Variants in SOX5 observed in about 807,000 individuals in gnomAD.
SOX5 encodes the protein SRY-box transcription factor 5.
In SOX5, 9 loss-of-function variants were observed where a neutral mutation model predicts 92.0. The ratio of observed to expected loss-of-function variants is 0.10; its 90% CI spans 0.06 to 0.17. The LOEUF (loss-of-function observed/expected upper bound fraction) is 0.17. Ranked by LOEUF, SOX5 falls within the 10% of genes least tolerant of loss-of-function variation. The probability of loss-of-function intolerance (pLI) is 1.00; values close to 1 mark genes in which losing one functional copy is unlikely to be tolerated. For missense variants in SOX5, 642 were observed against 944.5 expected (o/e 0.68, Z 4.20); for synonymous variants, 344 against 336.3 (o/e 1.02, Z -0.25).
At chr12:24,112,489 G>A (rs1231240472) in intron 4 of SOX5, among the ~76,000 whole-genome samples, 2 of 146,302 alleles carry the variant, frequency 1.4e-5, no homozygotes, top group Non-Finnish European at 3.0e-5. Flanking sequence ...GATGGAATGT[G>A]ACTGCAGGGA....
chr12:23,877,670 T>C (rs1342764130), intron 2 of SOX5, among the ~76,000 whole-genome samples: 4 of 152,138 alleles, frequency 2.6e-5, no homozygotes, highest in Non-Finnish European at 5.9e-5. Flanking sequence ...CAATATTCCA[T>C]ATGGAGTGTG....
chr12:23,894,830 G>T (rs2097161870), intron 2 of SOX5, among the ~76,000 whole-genome samples: 1 of 152,134 alleles, frequency 6.6e-6, no homozygotes, highest in African/African-American at 2.4e-5. Flanking sequence ...GCAGTAGAAT[G>T]TAAGATAAAA....
At chr12:24,005,481 C>G (rs978585937) in intron 4 of SOX5, among the ~76,000 whole-genome samples, 1 of 152,158 alleles carries the variant, frequency 6.6e-6, no homozygotes, top group African/African-American at 2.4e-5. Flanking sequence ...GCCTTTGCAT[C>G]TACAATTCTC....
intron 1 of SOX5, among the ~76,000 whole-genome samples, chr12:24,525,335 A>T (rs1950605053): frequency 6.6e-6 from 1 of 152,194 alleles, no homozygotes; most frequent in Non-Finnish European, 1.5e-5. Flanking sequence ...AAAATAGTCA[A>T]ATTCCTAGAA....
intron 4 of SOX5, among the ~76,000 whole-genome samples, chr12:24,123,571 A>G (rs866059686): frequency 6.6e-6 from 1 of 152,216 alleles, no homozygotes. Flanking sequence ...GAATAATTGG[A>G]TAATTTATCT....
intron 4 of SOX5, among the ~76,000 whole-genome samples, chr12:23,975,547 C>T (rs10842254): frequency 0.26 from 39,531 of 151,894 alleles, 5,630 homozygotes; most frequent in African/African-American, 0.38. Flanking sequence ...AGCTCTGGAA[C>T]GCTCTATGTT....
At chr12:23,808,074 A>G (rs1440281433) in intron 3 of SOX5, among the ~76,000 whole-genome samples, 1 of 151,874 alleles carries the variant, frequency 6.6e-6, no homozygotes, top group Non-Finnish European at 1.5e-5. Context: ...TGCAGAATAT[A>G]TGTTTGAGCA....
chr12:23,595,981 T>C (rs12816497), intron 9 of SOX5, among the ~76,000 whole-genome samples: 1 of 152,178 alleles, frequency 6.6e-6, no homozygotes, highest in African/African-American at 2.4e-5. Context: ...CATTAACTGG[T>C]GGACTCCTTG....
intron 1 of SOX5, among the ~76,000 whole-genome samples, chr12:24,463,350 G>A (rs1274634851): frequency 3.9e-5 from 6 of 152,118 alleles, no homozygotes; most frequent in Middle Eastern, 6.8e-3. Context: ...TACTCTCTAC[G>A]TACAGCTAAG....
At chr12:24,320,740 C>T (rs184913677) in intron 2 of SOX5, among the ~76,000 whole-genome samples, 180 of 151,960 alleles carry the variant, frequency 1.2e-3, no homozygotes, top group African/African-American at 4.1e-3. Context: ...TGGTGGGCAC[C>T]TGTAGTCCCA....
At chr12:23,863,923 A>G (rs952724858) in intron 2 of SOX5, among the ~76,000 whole-genome samples, 3 of 152,032 alleles carry the variant, frequency 2.0e-5, no homozygotes, top group African/African-American at 7.2e-5. Context: ...TAGAAGGAAT[A>G]AAAATACAGG....
chr12:24,091,746 C>G (rs375324377), intron 4 of SOX5, among the ~76,000 whole-genome samples: 1 of 152,140 alleles, frequency 6.6e-6, no homozygotes. Context: ...TAAGAGACAC[C>G]AATCATTAAG....
At chr12:24,178,916 C>T (rs1955144635) in intron 4 of SOX5, among the ~76,000 whole-genome samples, 1 of 152,058 alleles carries the variant, frequency 6.6e-6, no homozygotes, top group Admixed American at 6.6e-5. Flanking sequence ...TGACAAGTTC[C>T]AGATAGATAG....
intron 1 of SOX5, among the ~76,000 whole-genome samples, chr12:24,522,658 T>C (rs1436688429): frequency 2.0e-5 from 3 of 152,040 alleles, no homozygotes; most frequent in Admixed American, 6.6e-5. Context: ...CATTGCAGAA[T>C]GAATAAAAAT....
chr12:24,010,089 A>T (rs976085584), intron 4 of SOX5, among the ~76,000 whole-genome samples: 1 of 152,214 alleles, frequency 6.6e-6, no homozygotes, highest in Non-Finnish European at 1.5e-5. Context: ...AACAATTTTC[A>T]TGTGTTTCTT....
intron 1 of SOX5, among the ~76,000 whole-genome samples, chr12:24,423,565 A>C (rs1966258899): frequency 6.6e-6 from 1 of 152,244 alleles, no homozygotes; most frequent in South Asian, 2.1e-4. Flanking sequence ...ATAACAAAGT[A>C]TGTAGAAATC....
At chr12:23,812,367 G>T (rs907148902) in intron 3 of SOX5, among the ~76,000 whole-genome samples, 10 of 152,012 alleles carry the variant, frequency 6.6e-5, no homozygotes, top group African/African-American at 9.7e-5. Context: ...GTAAAAGTGT[G>T]ATGACACATT....
At chr12:24,030,882 G>A (rs1955428562) in intron 4 of SOX5, among the ~76,000 whole-genome samples, 2 of 151,750 alleles carry the variant, frequency 1.3e-5, no homozygotes, top group South Asian at 4.1e-4. Context: ...AATAGGCAAA[G>A]AACCTGAATA....
chr12:24,286,547 A>AT (rs147286991), intron 2 of SOX5, among the ~76,000 whole-genome samples: 2,720 of 152,058 alleles, frequency 0.018, 81 homozygotes, highest in African/African-American at 0.06. Context: ...AAATATATAA[A>AT]TTTTTTTAGA....
Sources: allele counts gnomAD v4.1 joint callset (sites outside exome capture counted in the v4.1 genomes callset), GRCh38; gene constraint gnomAD v4.1.1; transcripts MANE v1.5; gene names NCBI Gene and HGNC (gene_info 2026-07-23, HGNC 2026-07-21).